Variants in CELF1 observed in about 807,000 individuals in gnomAD.
CELF1 encodes the protein 50 kDa nuclear polyadenylated RNA-binding protein.
Under a neutral mutation model 61.8 loss-of-function variants are expected in CELF1, and 10 were observed. That is an observed-to-expected ratio of 0.16 (90% CI 0.10 to 0.27). The LOEUF (loss-of-function observed/expected upper bound fraction) is 0.27. CELF1 is among the 10% of genes least tolerant of loss of function. The pLI is 1.00. For synonymous variants in CELF1, 236 were observed against 225.1 expected (o/e 1.05, Z -0.43); for missense variants, 380 against 639.1 (o/e 0.59, Z 4.37).
chr11:47,485,454 C>A (rs1025829483), intron 6 of CELF1, among the ~76,000 whole-genome samples: 4 of 152,170 alleles, frequency 2.6e-5, no homozygotes, highest in Non-Finnish European at 5.9e-5. Context: ...TACAGGTGTG[C>A]GCCACTGTGC....
rs1466101845 is a variant in CELF1, at chr11:47,469,204, C to T, written c.*3026G>A. 1 of 152,226 alleles carries T rather than the reference C, an allele frequency of 6.6e-6. No individual in the cohort carries two copies. The highest frequency in any genetic ancestry group is 1.5e-5 in the Non-Finnish European group (1 of 68,050). The allele number at this position is 152,226 out of a possible 1,614,324, so 9.4% of individuals were successfully genotyped here. A position where few individuals can be genotyped will look rare whatever the true frequency, so the allele number is the denominator to read the frequency against. On this transcript the variant is annotated 3_prime_UTR_variant, in exon 15 of 15. Coordinates refer to ENST00000687097, the MANE Select transcript of CELF1 (RefSeq NM_001376376.1). Reference sequence around the variant, plus strand: ...CTCCAGGGGAGCAGAGCCTCAGCCTCTCTCCCCACTCCCTGGTCACAACCC... The same window carrying T: ...CTCCAGGGGAGCAGAGCCTCAGCCTTTCTCCCCACTCCCTGGTCACAACCC...
intron 9 of CELF1, among the ~76,000 whole-genome samples, chr11:47,481,102 CTTTT>C (rs1187959061): frequency 3.7e-3 from 265 of 71,384 alleles, no homozygotes; most frequent in South Asian, 6.6e-3. Flanking sequence ...TTTTCTTCTT[CTTTT>C]TTTTTTTTTT....
At chr11:47,472,965 C>T (rs1724670858) in intron 14 of CELF1, 123 bp downstream of exon 14, 1 of 1,078,792 alleles carries the variant, frequency 9.3e-7, no homozygotes, top group African/African-American at 1.6e-5. Context: ...GTCATAATGA[C>T]CTGCCCATGG....
intron 2 of CELF1, among the ~76,000 whole-genome samples, chr11:47,558,612 T>C (rs1441931344): frequency 9.1e-6 from 1 of 109,886 alleles, no homozygotes; most frequent in Non-Finnish European, 1.6e-5. Context: ...GTATAAAATA[T>C]GTGCAATATA....
chr11:47,548,082 C>T (rs1598567135), intron 1 of CELF1, among the ~76,000 whole-genome samples: 4 of 152,200 alleles, frequency 2.6e-5, no homozygotes, highest in Middle Eastern at 3.4e-3. Flanking sequence ...AGGTGGATCA[C>T]GAGGTCTGGA....
rs1388958252 is a variant in CELF1 at position 47,540,516 on chromosome 11, TC to T, written c.-154+12475del. ...ACAAATGTCAAACAGTTATGCATTT[TC>T]AAGCTGTCATCACCACCCTGACTTC... On this transcript the variant is annotated intron_variant, in intron 1 of 14. Coordinates refer to ENST00000687097, the MANE Select transcript of CELF1 (RefSeq NM_001376376.1). 3.3e-5 allele frequency among the ~76,000 whole-genome samples: 5 copies of T among 152,308 alleles called. No homozygotes were observed. In the East Asian group the frequency reaches 9.6e-4, roughly 29 times the overall value.
At chr11:47,517,997 C>A (rs1038696584) in intron 1 of CELF1, among the ~76,000 whole-genome samples, 3 of 152,130 alleles carry the variant, frequency 2.0e-5, no homozygotes. Flanking sequence ...ACCTAGCCTG[C>A]AGACACCGTA....
chr11:47,556,116 A>G (rs2097205174), upstream of CELF1, among the ~76,000 whole-genome samples: 1 of 152,116 alleles, frequency 6.6e-6, no homozygotes, highest in South Asian at 2.1e-4. Context: ...ACTTTTACAT[A>G]CCTTTCTAGG....
chr11:47,552,966 C>T, intron 1 of CELF1, 26 bp downstream of exon 1: 1 of 397,896 alleles, frequency 2.5e-6, no homozygotes, highest in Non-Finnish European at 4.4e-6. Flanking sequence ...TCCCGCGGCC[C>T]GTTATCCTGC....
At chr11:47,557,345 G>A (rs111391598), upstream of CELF1, among the ~76,000 whole-genome samples, 111 of 139,824 alleles carry the variant, frequency 7.9e-4, no homozygotes, top group Middle Eastern at 0.017. Flanking sequence ...CAGCCTCCCG[G>A]GTAGCTGGGA....
In CELF1 at chr11:47,552,990, A is replaced by G; in HGVS notation, c.-154+2T>C. On this transcript the variant is annotated splice_donor_variant, in intron 1 of 14. Coordinates refer to ENST00000687097, the MANE Select transcript of CELF1 (RefSeq NM_001376376.1). LOFTEE classifies it low-confidence loss of function (5UTR_SPLICE). The stretch of plus-strand genomic sequence containing the variant: ...CCGTTATCCTGCGGCCGCAGCACTC[A>G]CCAGCGGCTGCACCTGAGCCTGCCG... The G allele has an allele frequency of 2.5e-6, 1 of 396,952 alleles. No homozygotes were observed. Among genetic ancestry groups the G allele is most frequent in the Non-Finnish European group, 4.4e-6 (1 of 225,428 alleles). 24.6% of individuals were successfully genotyped at this position (396,952 alleles called of 1,614,324 possible).
At chr11:47,507,748 T>C (rs1404843880) in intron 1 of CELF1, among the ~76,000 whole-genome samples, 1 of 152,180 alleles carries the variant, frequency 6.6e-6, no homozygotes, top group Non-Finnish European at 1.5e-5. Context: ...AACTAACTAG[T>C]AAGACACTGC....
At chr11:47,502,785 T>C (rs1597155724) in intron 1 of CELF1, among the ~76,000 whole-genome samples, 1 of 152,222 alleles carries the variant, frequency 6.6e-6, no homozygotes, top group South Asian at 2.1e-4. Context: ...TGAGCTGAGA[T>C]TGCGCCACTG....
intron 1 of CELF1, among the ~76,000 whole-genome samples, chr11:47,547,722 A>G (rs1213393491): frequency 6.6e-6 from 1 of 152,092 alleles, no homozygotes; most frequent in Non-Finnish European, 1.5e-5. Context: ...ACATGCTACA[A>G]AATGATGCAG....
chr11:47,519,372 T>C (rs1203391058), intron 1 of CELF1, among the ~76,000 whole-genome samples: 1 of 151,812 alleles, frequency 6.6e-6, no homozygotes, highest in Non-Finnish European at 1.5e-5. Flanking sequence ...TCCCAGTTAC[T>C]TGGGAGGCTG....
chr11:47,483,858 A>G (rs1328033573), intron 7 of CELF1, among the ~76,000 whole-genome samples: 1 of 152,236 alleles, frequency 6.6e-6, no homozygotes, highest in Non-Finnish European at 1.5e-5. Flanking sequence ...ATTTTAATAC[A>G]TGACAATGAA....
At chr11:47,484,925 G>A (rs974175499) in intron 6 of CELF1, among the ~76,000 whole-genome samples, 1 of 147,988 alleles carries the variant, frequency 6.8e-6, no homozygotes, top group African/African-American at 2.7e-5. Context: ...TGATCCACCC[G>A]CCTCGGCCTC....
chr11:47,527,896 G>A (rs2096307031), intron 1 of CELF1, among the ~76,000 whole-genome samples: 1 of 152,064 alleles, frequency 6.6e-6, no homozygotes, highest in African/African-American at 2.4e-5. Context: ...AGGAGTTCAA[G>A]ACCAGCCTGG....
upstream of CELF1, among the ~76,000 whole-genome samples, chr11:47,555,700 A>T (rs1440493964): frequency 6.6e-6 from 1 of 152,040 alleles, no homozygotes; most frequent in East Asian, 1.9e-4. Flanking sequence ...ATTAAGATTT[A>T]TTTTTTTTAA....
Sources: gnomAD v4.1 joint callset for allele counts (sites outside exome capture counted in the v4.1 genomes callset) on GRCh38, gnomAD v4.1.1 for gene constraint, MANE v1.5 for transcripts, NCBI Gene and HGNC (gene_info 2026-07-23, HGNC 2026-07-21) for gene names.